The following GNG7 variants were observed in gnomAD, a reference collection of about 807,000 sequenced individuals.
GNG7 encodes the protein guanine nucleotide-binding protein G(I)/G(S)/G(O) subunit gamma-7.
A neutral mutation model predicts 4.0 loss-of-function variants in GNG7; 1 was observed. The ratio of observed to expected loss-of-function variants is 0.25; its 90% CI spans 0.09 to 1.18. The LOEUF is 1.18. Among genes scored for constraint, GNG7 ranks in the 50% most tolerant of loss-of-function variants. GNG7 has a pLI of 0.50. For synonymous variants in GNG7, 34 were observed against 36.9 expected, an observed-to-expected ratio of 0.92 and a Z score of 0.29; for missense variants, 86 against 91.9, an observed-to-expected ratio of 0.94 and a Z score of 0.26.
At chr19:2,678,085 G>A (rs2144895919) in intron 1 of GNG7, among the ~76,000 whole-genome samples, 1 of 152,318 alleles carries the variant, frequency 6.6e-6, no homozygotes, top group Non-Finnish European at 1.5e-5. Context: ...GTGGATGTTA[G>A]TTAGGGTTCA....
chr19:2,513,461 T>C lies in GNG7; in HGVS notation c.*1561A>G, dbSNP rs1223711364. On this transcript the variant is annotated 3_prime_UTR_variant, in exon 5 of 5. Coordinates refer to ENST00000382159, the MANE Select transcript of GNG7 (RefSeq NM_052847.3). ...GCCGGCAGGCCCTGGAAGATGTGGC[T>C]GCACCTGCTCCCGTCCGTGCCGCAG... is the stretch of plus-strand genomic sequence containing the variant. 2 of 961,370 alleles carry C rather than the reference T, an allele frequency of 2.1e-6. No homozygotes were observed. The highest frequency in any genetic ancestry group is 2.5e-6 in the Non-Finnish European group (2 of 808,098). The allele number at this position is 961,370 out of a possible 1,614,324, so 59.6% of individuals were successfully genotyped here.
intron 2 of GNG7, among the ~76,000 whole-genome samples, chr19:2,561,735 G>T (rs1979747371): frequency 7.6e-6 from 1 of 132,356 alleles, no homozygotes; most frequent in African/African-American, 2.9e-5. Flanking sequence ...AAAAAAATTA[G>T]CTGGGCATAG....
Position 2,568,747 on chromosome 19 carries a change from CACAT to C in GNG7, c.-77-13563_-77-13560del, listed in dbSNP as rs1462936234. ...ATACAGACACATATACATACATACA[CACAT>C]ACACACATACACATATACACATAAA... On this transcript the variant is annotated intron_variant, in intron 2 of 4. Coordinates refer to ENST00000382159, the MANE Select transcript of GNG7 (RefSeq NM_052847.3). Among the ~76,000 whole-genome samples, 9 of 151,406 alleles carry C rather than the reference CACAT, an allele frequency of 5.9e-5. No individual in the cohort carries two copies. The East Asian group carries it at 9.7e-4, about 16-fold the overall frequency.
intron 2 of GNG7, among the ~76,000 whole-genome samples, chr19:2,631,654 G>A (rs1982162209): frequency 2.0e-5 from 3 of 151,998 alleles, no homozygotes; most frequent in Admixed American, 6.6e-5. Context: ...GGCCCAGGGA[G>A]CTGCAGTTTG....
intron 2 of GNG7, among the ~76,000 whole-genome samples, chr19:2,619,507 C>T (rs148685326): frequency 1.6e-3 from 237 of 152,318 alleles, no homozygotes; most frequent in African/African-American, 5.4e-3. Flanking sequence ...AGGGCAAGGT[C>T]AGACATCGGA....
intron 3 of GNG7, among the ~76,000 whole-genome samples, chr19:2,534,227 C>G (rs1978671974): frequency 6.6e-6 from 1 of 152,138 alleles, no homozygotes; most frequent in South Asian, 2.1e-4. Context: ...TTCAGTCCAG[C>G]CAGCCCCTCC....
rs749910846 is a variant in GNG7, at chr19:2,616,729, G to T, written c.-78+29495C>A. ...CAGAGGTTGCAGGTTGCAGTGAGCC[G>T]AGATCACGCCATCGCACTCCAGCCT... On this transcript the variant is annotated intron_variant, in intron 2 of 4. Coordinates refer to ENST00000382159, the MANE Select transcript of GNG7 (RefSeq NM_052847.3). 2.6e-5 allele frequency among the ~76,000 whole-genome samples: 4 copies of T among 151,946 alleles called. 1 individual carries two copies. Among genetic ancestry groups the T allele is most frequent in the Admixed American group, 2.6e-4 (4 of 15,250 alleles).
chr19:2,675,905 C>T (rs1188396838), intron 1 of GNG7, among the ~76,000 whole-genome samples: 1 of 152,196 alleles, frequency 6.6e-6, no homozygotes, highest in African/African-American at 2.4e-5. Flanking sequence ...CCAGATGCCT[C>T]AGAATGGGAC....
intron 2 of GNG7, among the ~76,000 whole-genome samples, chr19:2,570,520 T>A (rs1457195263): frequency 6.6e-6 from 1 of 152,038 alleles, no homozygotes; most frequent in Non-Finnish European, 1.5e-5. Context: ...CCTCAGCTCT[T>A]CCATCTGTAA....
intron 2 of GNG7, among the ~76,000 whole-genome samples, chr19:2,580,473 T>C (rs146847723): frequency 0.12 from 18,061 of 151,228 alleles, 1,928 homozygotes; most frequent in East Asian, 0.55. Flanking sequence ...GTATTTTTAG[T>C]AGAGACGAGG....
At chr19:2,672,050 CAAAAAAAA>C (rs528016536) in intron 1 of GNG7, among the ~76,000 whole-genome samples, 1 of 87,194 alleles carries the variant, frequency 1.1e-5, no homozygotes, top group Admixed American at 1.3e-4. Flanking sequence ...GACTCCGTCT[CAAAAAAAA>C]AAAAAAAAAA....
chr19:2,586,460 C>T, intron 2 of GNG7, among the ~76,000 whole-genome samples: 1 of 152,166 alleles, frequency 6.6e-6, no homozygotes, highest in East Asian at 1.9e-4. Context: ...GGCTGGGAGC[C>T]AGCGGGCCCA....
intron 2 of GNG7, among the ~76,000 whole-genome samples, chr19:2,588,687 A>T (rs919212590): frequency 1.5e-4 from 23 of 152,178 alleles, no homozygotes; most frequent in African/African-American, 5.3e-4. Context: ...ACTCAGGGTG[A>T]CCAACCCCAG....
At chr19:2,657,362 ATATATATATATAT>A (rs1261693849) in intron 1 of GNG7, among the ~76,000 whole-genome samples, 1,801 of 10,570 alleles carry the variant, frequency 0.17, 203 homozygotes, top group Non-Finnish European at 0.23. Flanking sequence ...AAAAAAAAAA[ATATATATATATAT>A]ATATATATAT....
At chr19:2,649,601 G>A (rs1239165866) in intron 1 of GNG7, among the ~76,000 whole-genome samples, 5 of 151,858 alleles carry the variant, frequency 3.3e-5, no homozygotes, top group African/African-American at 1.2e-4. Context: ...TGTTGGTCAG[G>A]CTGGTCTTGA....
At position 2,539,284 on chromosome 19, in the gene GNG7, CTG is replaced by C. The variant is rs1203042802; in HGVS notation, c.-38+15863_-38+15864del. On this transcript the variant is annotated intron_variant, in intron 3 of 4. Coordinates refer to ENST00000382159, the MANE Select transcript of GNG7 (RefSeq NM_052847.3). ...AATAAATTAAGGATATTTTCACAAA[CTG>C]AGAAATAAACATATATACCAACTTT... Among the ~76,000 whole-genome samples the C allele has an allele frequency of 5.3e-5, 8 of 150,306 alleles. No individual in the cohort carries two copies. The South Asian group carries it at 1.7e-3, about 32-fold the overall frequency.
intron 2 of GNG7, among the ~76,000 whole-genome samples, chr19:2,556,660 C>G (rs968383078): frequency 6.6e-6 from 1 of 152,146 alleles, no homozygotes; most frequent in East Asian, 1.9e-4. Context: ...CACCTTGCAG[C>G]CCAGCTGGGG....
chr19:2,532,507 G>T lies in GNG7; in HGVS notation c.-37-11782C>A, dbSNP rs532432513. ...GAAGATGCAGTGACGTCTAATATAC[G>T]TGTTATTGGAACACCAGAAGGAGGA... is the stretch of plus-strand genomic sequence containing the variant. On this transcript the variant is annotated intron_variant, in intron 3 of 4. Transcript: ENST00000382159. Among the ~76,000 whole-genome samples, 5 of 152,148 alleles carry T rather than the reference G, an allele frequency of 3.3e-5. No homozygotes were observed. In the East Asian group the frequency reaches 9.6e-4, roughly 29 times the overall value.
At chr19:2,580,735 G>C (rs1261380404) in intron 2 of GNG7, among the ~76,000 whole-genome samples, 1 of 151,840 alleles carries the variant, frequency 6.6e-6, no homozygotes. Flanking sequence ...CAAGTAGCTG[G>C]GACTACAGGT....
Sources: allele counts gnomAD v4.1 joint callset (sites outside exome capture counted in the v4.1 genomes callset), GRCh38; gene constraint gnomAD v4.1.1; transcripts MANE v1.5; gene names NCBI Gene and HGNC (gene_info 2026-07-23, HGNC 2026-07-21).